LRRTM4: variants seen among roughly 807,000 people sequenced by gnomAD.
The protein encoded by LRRTM4 is leucine-rich repeat transmembrane neuronal protein 4.
Under a neutral mutation model 47.6 loss-of-function variants are expected in LRRTM4, and 25 were observed. The observed-to-expected ratio is 0.53, with a 90% CI of 0.38 to 0.73. The LOEUF is 0.73. LRRTM4 is among the 30% of genes least tolerant of loss of function. The pLI is 0.00. For missense variants in LRRTM4, 638 were observed against 713.4 expected (o/e 0.89, Z 1.20); for synonymous variants, 311 against 269.5 (o/e 1.15, Z -1.51).
chr2:77,051,135 T>C (rs1043606520), intron 3 of LRRTM4, among the ~76,000 whole-genome samples: 5 of 152,006 alleles, frequency 3.3e-5, no homozygotes, highest in African/African-American at 1.2e-4. Flanking sequence ...AGTTAGGATA[T>C]GGAGGGGCTG....
intron 3 of LRRTM4, among the ~76,000 whole-genome samples, chr2:77,371,402 C>T (rs944227871): frequency 3.3e-5 from 5 of 151,746 alleles, no homozygotes; most frequent in African/African-American, 1.2e-4. Context: ...TTACCATTCC[C>T]TTCCTCAAAA....
intron 3 of LRRTM4, among the ~76,000 whole-genome samples, chr2:76,787,391 A>AATCTCATACATTGTGTTCTGATACTTT (rs991162194): frequency 2.0e-5 from 3 of 152,092 alleles, no homozygotes; most frequent in Non-Finnish European, 2.9e-5. Context: ...TGCTCTGCAT[A>AATCTCATACATTGTGTTCTGATACTTT]ATCTCATACA....
chr2:76,861,726 G>C (rs1672318924), intron 3 of LRRTM4, among the ~76,000 whole-genome samples: 1 of 152,170 alleles, frequency 6.6e-6, no homozygotes, highest in African/African-American at 2.4e-5. Context: ...AGATGTATCA[G>C]TAAGAAGAAA....
At chr2:76,805,074 T>C (rs1675902465) in intron 3 of LRRTM4, among the ~76,000 whole-genome samples, 1 of 152,140 alleles carries the variant, frequency 6.6e-6, no homozygotes, top group Non-Finnish European at 1.5e-5. Context: ...TCTCAAAACC[T>C]CTTGAAAAGC....
intron 3 of LRRTM4, among the ~76,000 whole-genome samples, chr2:77,181,797 C>T (rs921259717): frequency 1.3e-5 from 2 of 151,774 alleles, no homozygotes; most frequent in Non-Finnish European, 2.9e-5. Flanking sequence ...AAAATTATTT[C>T]GAAGTACACA....
chr2:76,844,379 C>A (rs1671778572), intron 3 of LRRTM4, among the ~76,000 whole-genome samples: 1 of 152,172 alleles, frequency 6.6e-6, no homozygotes, highest in Admixed American at 6.5e-5. Context: ...TTGTGATCCA[C>A]CCACCTCAGC....
At chr2:76,925,414 G>A (rs755772828) in intron 3 of LRRTM4, among the ~76,000 whole-genome samples, 2 of 152,074 alleles carry the variant, frequency 1.3e-5, no homozygotes, top group Non-Finnish European at 2.9e-5. Flanking sequence ...CTTGATTTCA[G>A]CCTCTGAGGC....
chr2:76,751,284 T>C (rs939389820), intron 3 of LRRTM4, among the ~76,000 whole-genome samples: 15 of 152,184 alleles, frequency 9.9e-5, no homozygotes, highest in African/African-American at 3.6e-4. Context: ...ATGTAATGCT[T>C]TGTTTCTGAT....
At chr2:77,280,393 G>A (rs577154162) in intron 3 of LRRTM4, among the ~76,000 whole-genome samples, 2 of 152,158 alleles carry the variant, frequency 1.3e-5, no homozygotes, top group South Asian at 2.1e-4. Context: ...AAGCCATTGA[G>A]TTTGTGAGAC....
intron 3 of LRRTM4, among the ~76,000 whole-genome samples, chr2:76,859,582 A>T (rs1478253594): frequency 6.6e-6 from 1 of 152,128 alleles, no homozygotes; most frequent in African/African-American, 2.4e-5. Flanking sequence ...TCCCTAACCT[A>T]TGACAGTATG....
At position 77,494,459 on chromosome 2, in the gene LRRTM4, T is replaced by C. The variant is rs370230698; in HGVS notation, c.1551+23859A>G. ...GGTCCCTCAATCCAGTTCCCCAACA[T>C]TTAGATACTTCTCCTAGGCATTCCA... On this transcript the variant is annotated intron_variant, in intron 3 of 3. Transcript: ENST00000409884. Among the ~76,000 whole-genome samples, 11 of 152,116 alleles carry C rather than the reference T, an allele frequency of 7.2e-5. No homozygotes were observed. The East Asian group carries it at 1.5e-3, about 21-fold the overall frequency.
chr2:77,089,210 G>A (rs926741547), intron 3 of LRRTM4, among the ~76,000 whole-genome samples: 1 of 143,516 alleles, frequency 7.0e-6, no homozygotes, highest in Non-Finnish European at 1.5e-5. Context: ...CTTTTCCAGG[G>A]ACAGGGCAAG....
chr2:77,136,607 A>T (rs7571941), intron 3 of LRRTM4, among the ~76,000 whole-genome samples: 1 of 152,050 alleles, frequency 6.6e-6, no homozygotes, highest in African/African-American at 2.4e-5. Flanking sequence ...TCGCTAGGAA[A>T]AGAACAAAGC....
Position 77,233,982 on chromosome 2 carries a change from A to G in LRRTM4, c.1551+284336T>C, listed in dbSNP as rs547669826. Among the ~76,000 whole-genome samples, 3 of 152,208 alleles carry G rather than the reference A, an allele frequency of 2.0e-5. No individual in the cohort carries two copies. In the East Asian group the frequency reaches 5.8e-4, roughly 30 times the overall value. On this transcript the variant is annotated intron_variant, in intron 3 of 3. Transcript: ENST00000409884. Reference sequence around the variant, plus strand: ...CCCGCAAATTTTTGCATTTTTGTAGAGACGGGATATCACCGTGTTGGCCAG... The same window carrying G: ...CCCGCAAATTTTTGCATTTTTGTAGGGACGGGATATCACCGTGTTGGCCAG...
rs577316140 is a variant in LRRTM4, at chr2:76,916,530, G to C, written c.1552-167614C>G. 2.6e-5 allele frequency among the ~76,000 whole-genome samples: 4 copies of C among 152,090 alleles called. No individual in the cohort carries two copies. The East Asian group carries it at 7.7e-4, about 29-fold the overall frequency. ...ATCCCCAAAATACTTGAAAGGCACT[G>C]GTGTCAAGGGAAAATAAATCAAATA... On this transcript the variant is annotated intron_variant, in intron 3 of 3. Transcript: ENST00000409884.
chr2:76,903,676 A>G (rs750367930), intron 3 of LRRTM4, among the ~76,000 whole-genome samples: 1 of 152,236 alleles, frequency 6.6e-6, no homozygotes, highest in African/African-American at 2.4e-5. Context: ...AGTCAATAAG[A>G]TGATATTCTT....
intron 3 of LRRTM4, among the ~76,000 whole-genome samples, chr2:76,940,958 C>T (rs1161299774): frequency 6.6e-6 from 1 of 152,128 alleles, no homozygotes. Context: ...CTTCTTACCA[C>T]TTTTGTTATC....
chr2:77,426,144 AT>A (rs1394239499), intron 3 of LRRTM4, among the ~76,000 whole-genome samples: 1 of 151,644 alleles, frequency 6.6e-6, no homozygotes, highest in Non-Finnish European at 1.5e-5. Context: ...CATCCCTGAT[AT>A]CCATCTCCCT....
intron 3 of LRRTM4, among the ~76,000 whole-genome samples, chr2:77,120,167 G>A (rs1276397548): frequency 6.6e-6 from 1 of 151,706 alleles, no homozygotes; most frequent in African/African-American, 2.4e-5. Context: ...TTTTTTGGAA[G>A]CTTCAGTCCA....
Sources: allele counts gnomAD v4.1 joint callset (sites outside exome capture counted in the v4.1 genomes callset), GRCh38; gene constraint gnomAD v4.1.1; transcripts MANE v1.5; gene names NCBI Gene and HGNC (gene_info 2026-07-23, HGNC 2026-07-21).